Variants in GPR149 observed in about 807,000 individuals in gnomAD.
GPR149 encodes probable G protein-coupled receptor 149.
In GPR149, 50 loss-of-function variants were observed where a neutral mutation model predicts 50.2. The observed-to-expected ratio is 1.00, with a 90% CI of 0.79 to 1.26. The LOEUF is 1.26. Among genes scored for constraint, GPR149 ranks in the 50% most tolerant of loss-of-function variants. GPR149 has a pLI of 0.00. For missense variants in GPR149, 983 were observed against 895.4 expected (o/e 1.10, Z -1.25); for synonymous variants, 405 against 358.2 (o/e 1.13, Z -1.48).
At position 154,427,669 on chromosome 3, in the gene GPR149, G is replaced by A. The variant is rs375840587; in HGVS notation, c.1021C>T (p.Leu341Phe). The A allele has an allele frequency of 7.4e-6, 12 of 1,613,950 alleles. No individual in the cohort carries two copies. The highest frequency in any genetic ancestry group is 5.3e-5 in the African/African-American group (4 of 74,940). The change falls in exon 2 of 4, where the codon CTT (leucine) becomes TTT (phenylalanine). Residue 341 changes from leucine to phenylalanine, a missense_variant. Leu to Phe is a conservative substitution (Grantham distance 22). Transcript: ENST00000389740. ...VVQNVVGFQS[L>F]PLETFSFLLT... ...AGAAAGCTGAATGTCTCCAAGGGAA[G>A]GCTCTGAAACCCCACGACGTTCTGG...
chr3:154,352,034 GCAGA>G (rs953076507), intron 3 of GPR149: 1 of 374,602 alleles, frequency 2.7e-6, no homozygotes, highest in African/African-American at 2.1e-5. Flanking sequence ...TGTGCAAATA[GCAGA>G]CACATACCTC....
At chr3:154,425,724 T>A (rs1039287408) in intron 2 of GPR149, among the ~76,000 whole-genome samples, 2 of 152,060 alleles carry the variant, frequency 1.3e-5, no homozygotes, top group African/African-American at 2.4e-5. Flanking sequence ...TAGAAAAAAA[T>A]ATTATTTTGA....
intron 3 of GPR149, among the ~76,000 whole-genome samples, chr3:154,359,825 G>C (rs1378907857): frequency 2.6e-5 from 4 of 152,086 alleles, no homozygotes; most frequent in Non-Finnish European, 5.9e-5. Context: ...CAATGGAAGA[G>C]AAAACCTAAC....
intron 3 of GPR149, among the ~76,000 whole-genome samples, chr3:154,357,858 C>A (rs1401636242): frequency 6.6e-6 from 1 of 152,154 alleles, no homozygotes; most frequent in East Asian, 1.9e-4. Flanking sequence ...TATTGCGGCA[C>A]TTTTCACAAT....
chr3:154,411,400 TAAAC>T (rs1430592755), intron 3 of GPR149, among the ~76,000 whole-genome samples: 1 of 151,680 alleles, frequency 6.6e-6, no homozygotes, highest in Non-Finnish European at 1.5e-5. Flanking sequence ...AAAGATAAAT[TAAAC>T]AAATAGGTGG....
intron 3 of GPR149, among the ~76,000 whole-genome samples, chr3:154,372,513 G>A (rs1393152783): frequency 6.6e-6 from 1 of 152,142 alleles, no homozygotes; most frequent in Non-Finnish European, 1.5e-5. Flanking sequence ...CCATGCCGCT[G>A]CAAGGTCATA....
At chr3:154,374,169 C>CTTTTTTTTTTTTTTTTTTTTTTCTTT (rs3069044) in intron 3 of GPR149, among the ~76,000 whole-genome samples, 1 of 103,174 alleles carries the variant, frequency 9.7e-6, no homozygotes, top group Non-Finnish European at 1.8e-5. Context: ...CTTTTCTTTT[C>CTTTTTTTTTTTTTTTTTTTTTTCTTT]TTTTTTTTTT....
At chr3:154,413,116 C>T (rs1488570553) in intron 3 of GPR149, among the ~76,000 whole-genome samples, 1 of 152,080 alleles carries the variant, frequency 6.6e-6, no homozygotes, top group Non-Finnish European at 1.5e-5. Context: ...AAGAAAGAAA[C>T]TGGATCCTCA....
intron 3 of GPR149, among the ~76,000 whole-genome samples, chr3:154,362,288 C>CA (rs34401689): frequency 0.8 from 75,587 of 94,548 alleles, 30,462 homozygotes; most frequent in East Asian, 0.96. Context: ...GACTCCGTCT[C>CA]AAAAAAAAAA....
In GPR149 at chr3:154,429,503, C is replaced by A; in HGVS notation, c.113G>T (p.Cys38Phe). 6.2e-7 allele frequency: 1 copy of A among 1,613,462 alleles called. No homozygotes were observed. The highest frequency in any genetic ancestry group is 8.5e-7 in the Non-Finnish European group (1 of 1,179,794). ...TGCAAAAGTCATGAGACATGTCAAG[C>A]AAAAAAGATAGATATTCAGGGTTCC... is the stretch of plus-strand genomic sequence containing the variant. ...PPGTLNIYLFCLTCLMTFAAL... is the reference protein window; with the variant it reads ...PPGTLNIYLFFLTCLMTFAAL... The change falls in exon 1 of 4, where the codon TGC becomes TTC. Residue 38 changes from cysteine to phenylalanine, a missense_variant. Transcript: ENST00000389740.
intron 3 of GPR149, among the ~76,000 whole-genome samples, chr3:154,360,585 G>C (rs1714355878): frequency 6.6e-6 from 1 of 152,024 alleles, no homozygotes; most frequent in Non-Finnish European, 1.5e-5. Context: ...TTCCAATCTG[G>C]GCAGTATGGC....
intron 3 of GPR149, among the ~76,000 whole-genome samples, chr3:154,350,474 G>T (rs1049709617): frequency 3.9e-5 from 6 of 152,162 alleles, no homozygotes; most frequent in Admixed American, 6.5e-5. Flanking sequence ...AGATTTAGAT[G>T]TAAATCTTAT....
chr3:154,423,211 T>A (rs1158703752), intron 2 of GPR149, among the ~76,000 whole-genome samples: 1 of 151,898 alleles, frequency 6.6e-6, no homozygotes, highest in Non-Finnish European at 1.5e-5. Flanking sequence ...TAGAACATTC[T>A]GAGGCCATTT....
At chr3:154,388,652 A>T (rs1715099577) in intron 3 of GPR149, among the ~76,000 whole-genome samples, 1 of 152,134 alleles carries the variant, frequency 6.6e-6, no homozygotes, top group African/African-American at 2.4e-5. Flanking sequence ...GAACAGAGGC[A>T]GGCAGGCTAT....
At chr3:154,412,486 A>G (rs562834793) in intron 3 of GPR149, among the ~76,000 whole-genome samples, 1 of 152,274 alleles carries the variant, frequency 6.6e-6, no homozygotes, top group East Asian at 1.9e-4. Flanking sequence ...AAGTTTCAGG[A>G]TACAAATTAA....
Position 154,334,982 on chromosome 3 carries a change from A to G in GPR149, c.*2717T>C, listed in dbSNP as rs1304632809. Reference sequence around the variant, plus strand: ...CTCTTTTATTATATTTTTAAGTAATATTGTGCCATTTGCTATCTTCAAAGA... The same window carrying G: ...CTCTTTTATTATATTTTTAAGTAATGTTGTGCCATTTGCTATCTTCAAAGA... On this transcript the variant is annotated 3_prime_UTR_variant, in exon 4 of 4. Transcript: ENST00000389740. 1.3e-5 allele frequency: 2 copies of G among 152,130 alleles called. No individual in the cohort carries two copies. The highest frequency in any genetic ancestry group is 4.8e-5 in the African/African-American group (2 of 41,436). 9.4% of individuals were successfully genotyped at this position (152,130 alleles called of 1,614,324 possible).
chr3:154,365,584 T>C (rs1312364250), intron 3 of GPR149, among the ~76,000 whole-genome samples: 1 of 152,198 alleles, frequency 6.6e-6, no homozygotes, highest in Non-Finnish European at 1.5e-5. Flanking sequence ...ATTTTTTCTC[T>C]TCTCACACTT....
At chr3:154,341,020 A>G (rs1358175049) in intron 3 of GPR149, among the ~76,000 whole-genome samples, 1 of 152,054 alleles carries the variant, frequency 6.6e-6, no homozygotes. Context: ...GTGCCCGGCC[A>G]AGATTTACAA....
intron 3 of GPR149, among the ~76,000 whole-genome samples, chr3:154,414,364 A>G (rs1184113898): frequency 2.0e-5 from 3 of 152,082 alleles, no homozygotes; most frequent in East Asian, 3.8e-4. Flanking sequence ...AATCATGTAT[A>G]AAAATGTTTA....
Sources: gnomAD v4.1 joint callset for allele counts (sites outside exome capture counted in the v4.1 genomes callset) on GRCh38, gnomAD v4.1.1 for gene constraint, MANE v1.5 for transcripts, NCBI Gene and HGNC (gene_info 2026-07-23, HGNC 2026-07-21) for gene names.